WDPCP: variants seen among roughly 807,000 people sequenced by gnomAD.
The protein encoded by WDPCP is WD repeat-containing and planar cell polarity effector protein fritz homolog.
Under a neutral mutation model 93.1 loss-of-function variants are expected in WDPCP, and 71 were observed. The observed-to-expected ratio is 0.76, with a 90% CI of 0.63 to 0.93. The LOEUF (loss-of-function observed/expected upper bound fraction) is 0.93. WDPCP is among the 40% of genes least tolerant of loss of function. WDPCP has a pLI of 0.00. For synonymous variants in WDPCP, 315 were observed against 315.0 expected, an observed-to-expected ratio of 1.00 and a Z score of 0.00; for missense variants, 844 against 887.4, an observed-to-expected ratio of 0.95 and a Z score of 0.62.
chr2:63,582,643 A>T (rs1708570686), intron 1 of WDPCP, among the ~76,000 whole-genome samples: 1 of 152,156 alleles, frequency 6.6e-6, no homozygotes, highest in African/African-American at 2.4e-5. Context: ...ACTCAAAACC[A>T]GTAATAAAGA....
intron 2 of WDPCP, among the ~76,000 whole-genome samples, chr2:63,692,546 A>G (rs1668905875): frequency 6.6e-6 from 1 of 152,214 alleles, no homozygotes; most frequent in Non-Finnish European, 1.5e-5. Context: ...TTTAAGTGTC[A>G]TCTTCTAAAC....
intron 12 of WDPCP, among the ~76,000 whole-genome samples, chr2:63,330,867 CTTTTT>C (rs70965119): frequency 2.3e-5 from 2 of 86,868 alleles, no homozygotes; most frequent in Non-Finnish European, 2.2e-5. Context: ...TTCCCCAAGG[CTTTTT>C]TTTTTTTTTT....
chr2:63,282,244 C>A (rs150838610), intron 13 of WDPCP, among the ~76,000 whole-genome samples: 1 of 152,162 alleles, frequency 6.6e-6, no homozygotes, highest in African/African-American at 2.4e-5. Context: ...CAGTGGCTCA[C>A]GCCTGTAATC....
At chr2:63,495,690 C>G (rs752854934) in intron 1 of WDPCP, among the ~76,000 whole-genome samples, 3 of 152,114 alleles carry the variant, frequency 2.0e-5, no homozygotes, top group Non-Finnish European at 4.4e-5. Context: ...AATAAAGTAC[C>G]TACATCAGGA....
chr2:63,239,501 A>C (rs1022754488), intron 14 of WDPCP, among the ~76,000 whole-genome samples: 1 of 152,316 alleles, frequency 6.6e-6, no homozygotes, highest in East Asian at 1.9e-4. Flanking sequence ...TTAGAAACTT[A>C]GTAGGCCAAC....
At chr2:63,180,223 G>A (rs1674136738) in intron 14 of WDPCP, among the ~76,000 whole-genome samples, 1 of 152,012 alleles carries the variant, frequency 6.6e-6, no homozygotes, top group Non-Finnish European at 1.5e-5. Context: ...GCATTTAAGG[G>A]GTACAAGTGC....
chr2:63,283,269 CT>C, intron 13 of WDPCP, among the ~76,000 whole-genome samples: 1 of 152,242 alleles, frequency 6.6e-6, no homozygotes, highest in East Asian at 1.9e-4. Flanking sequence ...CCTCAAAGGC[CT>C]GGGCTCAAGC....
chr2:63,454,271 C>T (rs1250884847), intron 6 of WDPCP, among the ~76,000 whole-genome samples: 7 of 151,636 alleles, frequency 4.6e-5, no homozygotes, highest in African/African-American at 1.5e-4. Context: ...AACCAAACAC[C>T]GCATGTTCTC....
intron 15 of WDPCP, among the ~76,000 whole-genome samples, chr2:63,157,269 A>AT (rs1672324132): frequency 6.6e-6 from 1 of 151,582 alleles, no homozygotes; most frequent in Non-Finnish European, 1.5e-5. Context: ...CTTGTTGAGG[A>AT]TTTTTACTTC....
At chr2:63,212,967 A>G (rs1676963532) in intron 14 of WDPCP, among the ~76,000 whole-genome samples, 2 of 152,214 alleles carry the variant, frequency 1.3e-5, no homozygotes, top group Non-Finnish European at 2.9e-5. Flanking sequence ...ACCCAGATTC[A>G]TAAAGCAAGT....
At chr2:63,759,557 TTCTCTC>T (rs1207192485) in intron 2 of WDPCP, among the ~76,000 whole-genome samples, 2 of 152,228 alleles carry the variant, frequency 1.3e-5, no homozygotes, top group Admixed American at 1.3e-4. Flanking sequence ...TTCTTCCACT[TTCTCTC>T]TCTCAACCTG....
intron 17 of WDPCP, among the ~76,000 whole-genome samples, chr2:63,126,716 G>T (rs1318968671): frequency 7.1e-6 from 1 of 141,744 alleles, no homozygotes; most frequent in Non-Finnish European, 1.5e-5. Flanking sequence ...CTGTTGCCCA[G>T]GCTGGAGAAC....
rs745681296 is a variant in WDPCP, at chr2:63,382,060, G to A, written c.1470C>T (p.Asp490=). 9.3e-6 allele frequency: 15 copies of A among 1,613,248 alleles called. No homozygotes were observed. Among genetic ancestry groups the A allele is most frequent in the Non-Finnish European group, 1.3e-5 (15 of 1,179,648 alleles). The change falls in exon 11 of 18, where the codon GAC becomes GAT. Residue 490 remains aspartate (D), a synonymous_variant. Coordinates refer to ENST00000272321, the MANE Select transcript of WDPCP (RefSeq NM_015910.7). ...CACAGTGAATGTACTGGAAGATGAT[G>A]TCTATCAGGCCCAGCTGTCCTCGAG... ...VFTRGQLGLI[D]IIFQYIHCDE... is the part of the protein sequence containing the mutation.
At chr2:63,748,248 T>C (rs911043753) in intron 2 of WDPCP, among the ~76,000 whole-genome samples, 16 of 151,706 alleles carry the variant, frequency 1.1e-4, no homozygotes, top group Non-Finnish European at 1.8e-4. Context: ...TATGTTTTCT[T>C]GCTTTTCTTC....
At chr2:63,474,672 A>G (rs1278150363) in intron 6 of WDPCP, among the ~76,000 whole-genome samples, 1 of 152,156 alleles carries the variant, frequency 6.6e-6, no homozygotes, top group Non-Finnish European at 1.5e-5. Context: ...GGGTGGAGGA[A>G]GAATAATAGG....
intron 14 of WDPCP, among the ~76,000 whole-genome samples, chr2:63,192,095 C>T (rs1675096195): frequency 6.6e-6 from 1 of 152,122 alleles, no homozygotes; most frequent in South Asian, 2.1e-4. Context: ...TTGTCTCTTT[C>T]ACTGTTTTTT....
intron 14 of WDPCP, among the ~76,000 whole-genome samples, chr2:63,198,304 A>T (rs927476586): frequency 6.6e-6 from 1 of 152,282 alleles, no homozygotes; most frequent in East Asian, 1.9e-4. Flanking sequence ...TGGAATTTTA[A>T]TTAAAGAGTT....
intron 15 of WDPCP, among the ~76,000 whole-genome samples, chr2:63,168,107 CAAAAAA>C (rs957507138): frequency 3.7e-5 from 2 of 53,544 alleles, no homozygotes; most frequent in Non-Finnish European, 3.3e-5. Context: ...GAGACCCTGC[CAAAAAA>C]AAAAAAAAAA....
In WDPCP at chr2:63,404,670, A is replaced by G. The variant is rs368439537; in HGVS notation, c.826-13T>C. The G allele has an allele frequency of 3.3e-5, 53 of 1,613,820 alleles. No individual in the cohort carries two copies. In the African/African-American group the frequency reaches 6.3e-4, roughly 19 times the overall value. On this transcript the variant is annotated splice_polypyrimidine_tract_variant and intron_variant, in intron 9 of 17. Transcript: ENST00000272321. ...CAGAACTCAGAACCTGTTAAGAAAT[A>G]TATCAAGTACATTCAGATAAACTTT...
Sources: allele counts gnomAD v4.1 joint callset (sites outside exome capture counted in the v4.1 genomes callset), GRCh38; gene constraint gnomAD v4.1.1; transcripts MANE v1.5; gene names NCBI Gene and HGNC (gene_info 2026-07-23, HGNC 2026-07-21).